Variants in ANKS1B observed in about 807,000 individuals in gnomAD.
ANKS1B encodes the protein ankyrin repeat and sterile alpha motif domain containing 1B.
A neutral mutation model predicts 148.3 loss-of-function variants in ANKS1B; 36 were observed. The observed-to-expected ratio is 0.24, with a 90% CI of 0.19 to 0.32. The LOEUF is 0.32. ANKS1B is among the 10% of genes least tolerant of loss of function. The pLI, the probability that ANKS1B is intolerant of heterozygous loss-of-function variation, is 1.00. For missense variants in ANKS1B, 1,157 were observed against 1,542.6 expected, an observed-to-expected ratio of 0.75 and a Z score of 4.19; for synonymous variants, 542 against 560.8, an observed-to-expected ratio of 0.97 and a Z score of 0.47.
chr12:99,024,903 A>G (rs1465258322), intron 17 of ANKS1B, among the ~76,000 whole-genome samples: 2 of 152,158 alleles, frequency 1.3e-5, no homozygotes, highest in Non-Finnish European at 2.9e-5. Flanking sequence ...GCCTGCAGTT[A>G]TTATTCAAAC....
chr12:99,841,347 A>G (rs1240187979), intron 1 of ANKS1B, among the ~76,000 whole-genome samples: 2 of 152,054 alleles, frequency 1.3e-5, no homozygotes, highest in African/African-American at 4.8e-5. Flanking sequence ...GATGAGAAGC[A>G]TCTCTACACT....
At chr12:98,870,308 A>T (rs947634217) in intron 17 of ANKS1B, among the ~76,000 whole-genome samples, 3 of 152,218 alleles carry the variant, frequency 2.0e-5, no homozygotes, top group African/African-American at 4.8e-5. Flanking sequence ...AGGGTTCACT[A>T]GCAGCTATCT....
intron 12 of ANKS1B, among the ~76,000 whole-genome samples, chr12:99,254,827 A>G (rs1401961208): frequency 6.6e-6 from 1 of 152,178 alleles, no homozygotes; most frequent in African/African-American, 2.4e-5. Flanking sequence ...CTCTAATGTT[A>G]AACATTAGAT....
intron 8 of ANKS1B, among the ~76,000 whole-genome samples, chr12:99,664,219 C>T (rs1027227423): frequency 1.3e-5 from 2 of 151,706 alleles, no homozygotes; most frequent in Admixed American, 6.6e-5. Context: ...CTAAATTATC[C>T]TCCATGACAG....
At chr12:98,739,938 C>A (rs144119292), downstream of ANKS1B, among the ~76,000 whole-genome samples, 1 of 152,174 alleles carries the variant, frequency 6.6e-6, no homozygotes, top group Non-Finnish European at 1.5e-5. Flanking sequence ...CCTCCTTCTC[C>A]TTATGGCCAT....
rs1001887096 is a variant in ANKS1B at position 99,074,703 on chromosome 12, C to A, written c.2625+10222G>T. On this transcript the variant is annotated intron_variant, in intron 16 of 26. Transcript: ENST00000683438. ...CTGTCATGCTTACATGAAGGACATGCCTTATCCCTTTGTAAAACATTTAAA... is the reference window on the plus strand; with the variant it reads ...CTGTCATGCTTACATGAAGGACATGACTTATCCCTTTGTAAAACATTTAAA... Among the ~76,000 whole-genome samples, 82 of 152,100 alleles carry A rather than the reference C, an allele frequency of 5.4e-4. 1 individual carries two copies. Among genetic ancestry groups the A allele is most frequent in the African/African-American group, 1.9e-3 (79 of 41,406 alleles).
In ANKS1B at chr12:99,758,391, G is replaced by A. The variant is rs1471827693; in HGVS notation, c.1128+14531C>T. 2.0e-5 allele frequency among the ~76,000 whole-genome samples: 3 copies of A among 151,952 alleles called. No homozygotes were observed. The East Asian group carries it at 5.8e-4, about 29-fold the overall frequency. ...GATACAGAGAAAAATACATATAAAT[G>A]ATTCAACAAATAAAATAGAAATGAC... On this transcript the variant is annotated intron_variant, in intron 8 of 26. Coordinates refer to ENST00000683438, the MANE Select transcript of ANKS1B (RefSeq NM_001352186.2).
At chr12:99,848,434 T>C (rs1322641903) in intron 1 of ANKS1B, among the ~76,000 whole-genome samples, 1 of 152,142 alleles carries the variant, frequency 6.6e-6, no homozygotes, top group African/African-American at 2.4e-5. Context: ...GATGAAGTTT[T>C]CAAGTGGACA....
At chr12:99,522,937 G>C (rs911053903) in intron 9 of ANKS1B, among the ~76,000 whole-genome samples, 2 of 152,178 alleles carry the variant, frequency 1.3e-5, no homozygotes, top group Non-Finnish European at 2.9e-5. Flanking sequence ...GAGACTGGGG[G>C]AGACTTGGCC....
At chr12:98,991,998 C>T (rs1568232745) in intron 17 of ANKS1B, among the ~76,000 whole-genome samples, 1 of 152,072 alleles carries the variant, frequency 6.6e-6, no homozygotes, top group Admixed American at 6.5e-5. Flanking sequence ...TAGGAAGTGA[C>T]AGATGGATGG....
chr12:99,631,668 A>T lies in ANKS1B; in HGVS notation c.1272+23399T>A, dbSNP rs541935191. Among the ~76,000 whole-genome samples, 4 of 152,346 alleles carry T rather than the reference A, an allele frequency of 2.6e-5. No individual in the cohort carries two copies. The South Asian group carries it at 8.3e-4, about 32-fold the overall frequency. On this transcript the variant is annotated intron_variant, in intron 9 of 26. Coordinates refer to ENST00000683438, the MANE Select transcript of ANKS1B (RefSeq NM_001352186.2). ...ATGTTAATGCTGAGGGCTTTGGGGA[A>T]GGCAAAAATCAACAGTGATGAACTA...
At chr12:99,598,116 A>G (rs2097772421) in intron 9 of ANKS1B, among the ~76,000 whole-genome samples, 1 of 152,074 alleles carries the variant, frequency 6.6e-6, no homozygotes, top group Non-Finnish European at 1.5e-5. Context: ...TGGAGATGAG[A>G]GCTAATACAT....
chr12:98,789,232 A>G (rs1461465807), intron 22 of ANKS1B, among the ~76,000 whole-genome samples: 1 of 152,060 alleles, frequency 6.6e-6, no homozygotes, highest in Non-Finnish European at 1.5e-5. Flanking sequence ...AATCCCAGCT[A>G]CTCGGGAGGC....
chr12:98,766,092 A>T lies in ANKS1B; in HGVS notation c.3579+6950T>A, dbSNP rs146460828. On this transcript the variant is annotated intron_variant, in intron 25 of 26. Coordinates refer to ENST00000683438, the MANE Select transcript of ANKS1B (RefSeq NM_001352186.2). The stretch of plus-strand genomic sequence containing the variant: ...AGAATGTCTGGTTTCTAACTTCACA[A>T]AAAATGGGATTAATTTAAGGCACTG... Among the ~76,000 whole-genome samples the T allele has an allele frequency of 1.4e-3, 215 of 152,364 alleles. 1 individual carries two copies. The highest frequency in any genetic ancestry group is 5.0e-3 in the African/African-American group (207 of 41,582).
intron 12 of ANKS1B, among the ~76,000 whole-genome samples, chr12:99,315,760 T>C (rs1374604234): frequency 6.6e-6 from 1 of 152,132 alleles, no homozygotes; most frequent in Non-Finnish European, 1.5e-5. Flanking sequence ...CATGTTGGTG[T>C]GCTGCACTCA....
intron 17 of ANKS1B, among the ~76,000 whole-genome samples, chr12:98,839,320 A>T (rs141645708): frequency 1.3e-5 from 2 of 152,350 alleles, no homozygotes; most frequent in Admixed American, 6.5e-5. Context: ...GGCAGTAAAA[A>T]AATATTAAAA....
At chr12:99,487,074 G>C (rs1254486095) in intron 10 of ANKS1B, among the ~76,000 whole-genome samples, 2 of 152,254 alleles carry the variant, frequency 1.3e-5, no homozygotes, top group African/African-American at 4.8e-5. Flanking sequence ...TTTCCCTGCT[G>C]AACCCAGCAC....
rs34176071 is a variant in ANKS1B, at chr12:99,915,225, C to CAAAAA, written c.134+68874_134+68878dup. On this transcript the variant is annotated intron_variant, in intron 1 of 26. Transcript: ENST00000683438. ...GGGCAACAAGAACAAAAAGCTGTCT[C>CAAAAA]AAAAAAAAAAAAAAAAAAGCTCCAA... Among the ~76,000 whole-genome samples the CAAAAA allele has an allele frequency of 6.9e-5, 7 of 101,626 alleles. 1 individual carries two copies. The highest frequency in any genetic ancestry group is 2.3e-4 in the Admixed American group (2 of 8,680). 66.7% of individuals were successfully genotyped at this position (101,626 alleles called of 152,430 possible). A position where few individuals can be genotyped will look rare whatever the true frequency, so the allele number is the denominator to read the frequency against.
intron 9 of ANKS1B, among the ~76,000 whole-genome samples, chr12:99,618,975 TG>T (rs2098010389): frequency 6.6e-6 from 1 of 152,002 alleles, no homozygotes; most frequent in Admixed American, 6.6e-5. Flanking sequence ...CACAACCCTG[TG>T]GTAGAAGGAG....
Sources: allele counts gnomAD v4.1 joint callset (sites outside exome capture counted in the v4.1 genomes callset), GRCh38; gene constraint gnomAD v4.1.1; transcripts MANE v1.5; gene names NCBI Gene and HGNC (gene_info 2026-07-23, HGNC 2026-07-21).